The following MTHFD1 variants were observed in gnomAD, a reference collection of about 807,000 sequenced individuals.
The protein encoded by MTHFD1 is methylenetetrahydrofolate dehydrogenase, cyclohydrolase and formyltetrahydrofolate synthetase 1, also known as C-1-tetrahydrofolate synthase, cytoplasmic.
MTHFD1 carries 44 observed loss-of-function variants against 110.3 expected under a neutral mutation model. The ratio of observed to expected loss-of-function variants is 0.40; its 90% confidence interval spans 0.31 to 0.51. MTHFD1 has a LOEUF of 0.51. Among genes scored for constraint, MTHFD1 ranks in the 20% least tolerant of loss-of-function variants. The probability of loss-of-function intolerance (pLI) is 0.60; values close to 1 mark genes in which losing one functional copy is unlikely to be tolerated. For missense variants in MTHFD1, 909 were observed against 1,173.1 expected, an observed-to-expected ratio of 0.77 and a Z score of 3.29; for synonymous variants, 402 against 428.8, an observed-to-expected ratio of 0.94 and a Z score of 0.77.
chr14:64,441,650 C>A, intron 19 of MTHFD1, 197 bp downstream of exon 19: 1 of 590,256 alleles, frequency 1.7e-6, no homozygotes, highest in South Asian at 1.8e-5. Context: ...ACTAAAAATA[C>A]AAAAAATTAG....
intron 1 of MTHFD1, among the ~76,000 whole-genome samples, chr14:64,390,027 G>T (rs993182829): frequency 3.3e-5 from 5 of 152,136 alleles, no homozygotes; most frequent in Admixed American, 6.5e-5. Flanking sequence ...AACTCCATAA[G>T]GGCAAATACA....
At chr14:64,396,558 A>ATTTTTTTTT (rs71123843) in intron 1 of MTHFD1, among the ~76,000 whole-genome samples, 6 of 126,790 alleles carry the variant, frequency 4.7e-5, no homozygotes, top group African/African-American at 8.7e-5. Context: ...CTCCCAGTTA[A>ATTTTTTTTT]TTTTTTTTTT....
At chr14:64,447,456 T>C (rs2078300790) in intron 22 of MTHFD1, among the ~76,000 whole-genome samples, 1 of 143,192 alleles carries the variant, frequency 7.0e-6, no homozygotes, top group Non-Finnish European at 1.5e-5. Context: ...GTCCGGCCCT[T>C]TTTTTTTTTT....
intron 24 of MTHFD1, among the ~76,000 whole-genome samples, chr14:64,452,340 CT>C (rs2078386015): frequency 1.3e-5 from 2 of 152,176 alleles, no homozygotes; most frequent in Non-Finnish European, 2.9e-5. Flanking sequence ...GCTTTAGTTG[CT>C]ATAAAGACAG....
chr14:64,407,092 T>C (rs12434779), intron 2 of MTHFD1, among the ~76,000 whole-genome samples: 2,750 of 151,994 alleles, frequency 0.018, 71 homozygotes, highest in East Asian at 0.088. Flanking sequence ...GAGTTTTCAT[T>C]TTTTTTTAAT....
chr14:64,431,931 A>G, intron 15 of MTHFD1, 70 bp downstream of exon 15: 1 of 1,399,388 alleles, frequency 7.1e-7, no homozygotes, highest in Non-Finnish European at 1.0e-6. Flanking sequence ...TTAGGACATA[A>G]AAGTCTTCTT....
At chr14:64,402,803 T>C (rs1226792439) in intron 2 of MTHFD1, among the ~76,000 whole-genome samples, 2 of 29,014 alleles carry the variant, frequency 6.9e-5, no homozygotes, top group Non-Finnish European at 1.6e-4. Context: ...TGAGATCCTG[T>C]CTCAAAAAAA....
In MTHFD1 at chr14:64,427,459, C is replaced by T. The variant is rs1246721343; in HGVS notation, c.1250C>T (p.Thr417Ile). The T allele has an allele frequency of 1.9e-6, 3 of 1,614,034 alleles. No individual in the cohort carries two copies. Among genetic ancestry groups the T allele is most frequent in the East Asian group, 2.2e-5 (1 of 44,904 alleles). Residue 417 changes from threonine to isoleucine, a missense_variant, in exon 12 of 28, where the codon ACC becomes ATC. By Grantham distance (89) the Thr-to-Ile change is moderately conservative (BLOSUM62 -1). This residue lies in a region of MTHFD1 where 3 missense variants were observed against 16.7 expected (regional missense o/e 0.18). Transcript: ENST00000652337. ...GTGCGACAGCCTTCTCAGGGCCCCA[C>T]CTTTGGAATAAAAGGTACTAGTGAG... ...ACVRQPSQGPTFGIKGGAAGG... is the reference protein window; with the variant it reads ...ACVRQPSQGPIFGIKGGAAGG...
chr14:64,444,228 G>A (rs915195012), intron 21 of MTHFD1, among the ~76,000 whole-genome samples: 6 of 152,074 alleles, frequency 3.9e-5, no homozygotes, highest in African/African-American at 1.4e-4. Flanking sequence ...CCTGCACCAC[G>A]GTTCAGCTCC....
At chr14:64,442,533 C>T (rs944892603) in intron 21 of MTHFD1, 131 bp downstream of exon 21, 11 of 953,816 alleles carry the variant, frequency 1.2e-5, no homozygotes, top group Non-Finnish European at 1.8e-5. Context: ...AAGCAAGGGA[C>T]GGGCAGACAG....
At chr14:64,406,231 A>G (rs56735213) in intron 2 of MTHFD1, among the ~76,000 whole-genome samples, 2,722 of 150,772 alleles carry the variant, frequency 0.018, 79 homozygotes, top group East Asian at 0.089. Flanking sequence ...TTGAGATGAG[A>G]TTTCACCATG....
chr14:64,448,056 A>C, intron 22 of MTHFD1, 161 bp from the exon 23 acceptor site: 1 of 676,224 alleles, frequency 1.5e-6, no homozygotes, highest in Non-Finnish European at 2.7e-6. Context: ...CACTCACCGC[A>C]CTGGAAAAAA....
Position 64,424,908 on chromosome 14 carries a change from A to T in MTHFD1, c.832A>T (p.Met278Leu). ...TCCTGTTCCTGGCGGCGTAGGGCCC[A>T]TGACAGTTGCAATGCTCATGCAGGT... ...ITPVPGGVGP[M>L]TVAMLMQSTV... The change falls in exon 9 of 28, where the codon ATG (methionine) becomes TTG (leucine). Residue 278 changes from methionine (M) to leucine (L), a missense_variant. Coordinates refer to ENST00000652337, the MANE Select transcript of MTHFD1 (RefSeq NM_005956.4). 1 of 1,614,224 alleles carries T rather than the reference A, an allele frequency of 6.2e-7. No individual in the cohort carries two copies. Among genetic ancestry groups the T allele is most frequent in the Non-Finnish European group, 8.5e-7 (1 of 1,180,038 alleles).
At chr14:64,432,006 C>A (rs1489225821) in intron 15 of MTHFD1, 145 bp downstream of exon 15, 6 of 688,640 alleles carry the variant, frequency 8.7e-6, no homozygotes, top group Non-Finnish European at 1.3e-5. Context: ...ATATACATAG[C>A]AAAGATGGAT....
At chr14:64,389,836 T>G (rs1327183479) in intron 1 of MTHFD1, among the ~76,000 whole-genome samples, 1 of 152,254 alleles carries the variant, frequency 6.6e-6, no homozygotes, top group Non-Finnish European at 1.5e-5. Context: ...CCTTTTCCAG[T>G]GGCTTTTTGT....
At chr14:64,437,389 G>A (rs2078214554) in intron 16 of MTHFD1, among the ~76,000 whole-genome samples, 1 of 152,104 alleles carries the variant, frequency 6.6e-6, no homozygotes, top group South Asian at 2.1e-4. Flanking sequence ...ATATTGTTTG[G>A]CATTTGATAC....
chr14:64,396,165 A>T (rs1480803677), intron 1 of MTHFD1, among the ~76,000 whole-genome samples: 1 of 152,178 alleles, frequency 6.6e-6, no homozygotes, highest in Non-Finnish European at 1.5e-5. Context: ...ATGTAATAAT[A>T]GTACTATTGT....
chr14:64,436,993 G>C (rs1187691935), intron 16 of MTHFD1, among the ~76,000 whole-genome samples: 3 of 152,012 alleles, frequency 2.0e-5, no homozygotes, highest in Non-Finnish European at 2.9e-5. Flanking sequence ...CAGCAAGAGT[G>C]GGGGGTGTGT....
intron 3 of MTHFD1, among the ~76,000 whole-genome samples, chr14:64,411,400 G>A (rs1245781616): frequency 2.6e-5 from 4 of 152,128 alleles, no homozygotes; most frequent in Admixed American, 2.6e-4. Context: ...GACAAGTCTC[G>A]ATCATTTTAG....
Sources: allele counts gnomAD v4.1 joint callset (sites outside exome capture counted in the v4.1 genomes callset), GRCh38; gene constraint gnomAD v4.1.1; regional missense constraint gnomAD v4.1.1; transcripts MANE v1.5; gene names NCBI Gene and HGNC (gene_info 2026-07-23, HGNC 2026-07-21).